Variants in GALK2 observed in about 807,000 individuals in gnomAD.
The protein encoded by GALK2 is N-acetylgalactosamine kinase.
A neutral mutation model predicts 52.4 loss-of-function variants in GALK2; 36 were observed. The observed-to-expected ratio is 0.69, with a 90% CI of 0.53 to 0.91. GALK2 has a LOEUF of 0.91. Ranked by LOEUF, GALK2 falls within the 40% of genes least tolerant of loss-of-function variation. The probability of loss-of-function intolerance (pLI) is 0.00; values close to 1 mark genes in which losing one functional copy is unlikely to be tolerated. For missense variants in GALK2, 579 were observed against 559.1 expected (o/e 1.04, Z -0.36); for synonymous variants, 176 against 199.1 (o/e 0.88, Z 0.98).
At chr15:49,291,475 C>G (rs1395939150) in intron 7 of GALK2, among the ~76,000 whole-genome samples, 1 of 151,968 alleles carries the variant, frequency 6.6e-6, no homozygotes, top group African/African-American at 2.4e-5. Flanking sequence ...GACTGATTTC[C>G]CCTTCTCTTG....
At chr15:49,335,113 A>G (rs1037500523), downstream of GALK2, among the ~76,000 whole-genome samples, 6 of 152,116 alleles carry the variant, frequency 3.9e-5, no homozygotes, top group Non-Finnish European at 5.9e-5. Flanking sequence ...TCCAGGGCTT[A>G]TCTTTGTAAA....
chr15:49,207,568 A>G (rs951729072), intron 2 of GALK2, among the ~76,000 whole-genome samples: 1 of 151,892 alleles, frequency 6.6e-6, no homozygotes, highest in Non-Finnish European at 1.5e-5. Flanking sequence ...ATTCTTCCTG[A>G]TTTAAGCTAG....
rs535120047 is a variant in GALK2, at chr15:49,367,420, T to C, written c.427-71T>C. 34 of 1,508,792 alleles carry C rather than the reference T, an allele frequency of 2.3e-5. No homozygotes were observed. In the South Asian group the frequency reaches 4.0e-4, roughly 18 times the overall value. 93.5% of individuals were successfully genotyped at this position (1,508,792 alleles called of 1,614,324 possible). On this transcript the variant is annotated intron_variant, in intron 3 of 3. Coordinates refer to the GALK2 transcript ENST00000558399. ...TGAATATTATTTTTGAAAGAAATTA[T>C]ATTAAAGCAAAGCTTTAAAAAGGAT...
intron 1 of GALK2, chr15:49,156,066 G>GGCT: frequency 6.3e-7 from 1 of 1,591,342 alleles, no homozygotes; most frequent in African/African-American, 1.3e-5. Context: ...ACACATTGCG[G>GGCT]TGGGTGTTCC....
chr15:49,343,474 A>C (rs867796909), intron 3 of GALK2: 28 of 152,216 alleles, frequency 1.8e-4, no homozygotes, highest in African/African-American at 6.7e-4. Context: ...GCCTGTGTTT[A>C]AGGCTGTTGA....
At chr15:49,250,284 A>T (rs2091534050) in intron 5 of GALK2, among the ~76,000 whole-genome samples, 1 of 152,210 alleles carries the variant, frequency 6.6e-6, no homozygotes. Flanking sequence ...AGGTTAATAA[A>T]TGAGACTGGT....
chr15:49,355,486 A>G (rs1434404313), intron 3 of GALK2, among the ~76,000 whole-genome samples: 2 of 152,220 alleles, frequency 1.3e-5, no homozygotes, highest in Non-Finnish European at 2.9e-5. Flanking sequence ...AAGAAAGGGT[A>G]TCAGCGATGG....
chr15:49,237,955 G>A (rs1355588161), intron 4 of GALK2, among the ~76,000 whole-genome samples: 1 of 152,080 alleles, frequency 6.6e-6, no homozygotes, highest in Non-Finnish European at 1.5e-5. Context: ...GAAATTTTTA[G>A]ATGACTTGAA....
chr15:49,337,363 G>A lies in GALK2; in HGVS notation c.426+17558G>A, dbSNP rs941105114. Among the ~76,000 whole-genome samples the A allele has an allele frequency of 2.0e-5, 3 of 151,822 alleles. No homozygotes were observed. In the East Asian group the frequency reaches 5.8e-4, roughly 29 times the overall value. On this transcript the variant is annotated intron_variant, in intron 3 of 3. Coordinates refer to the GALK2 transcript ENST00000558399. ...GCCCCATCAGCATCTATTGTTTTTT[G>A]ACTTTTTAATAATAGTCATCCTGAC...
intron 2 of GALK2, among the ~76,000 whole-genome samples, chr15:49,206,284 A>C (rs2088277816): frequency 1.3e-5 from 2 of 151,528 alleles, no homozygotes; most frequent in South Asian, 4.2e-4. Flanking sequence ...TTTAGGGTAC[A>C]TGTGCACAAT....
chr15:49,262,293 T>C (rs959855716), intron 5 of GALK2, among the ~76,000 whole-genome samples: 1 of 152,208 alleles, frequency 6.6e-6, no homozygotes, highest in Non-Finnish European at 1.5e-5. Flanking sequence ...TGGTTTAGTC[T>C]TGGGAGGGTG....
chr15:49,327,907 T>C (rs1345029637), intron 9 of GALK2, 45 bp from the exon 10 acceptor site: 7 of 1,565,728 alleles, frequency 4.5e-6, no homozygotes, highest in Non-Finnish European at 6.1e-6. Context: ...AAATCCCTTG[T>C]ATTTTCATTT....
chr15:49,155,893 A>G (rs1427231186), exon 1 of GALK2: 19 of 1,289,958 alleles, frequency 1.5e-5, no homozygotes, highest in Admixed American at 3.7e-5. Flanking sequence ...CCTCCTGGGT[A>G]AAGGAGCAGT....
chr15:49,205,245 A>C (rs963996729), intron 2 of GALK2, among the ~76,000 whole-genome samples: 1 of 152,176 alleles, frequency 6.6e-6, no homozygotes, highest in Non-Finnish European at 1.5e-5. Flanking sequence ...GTAGATACCC[A>C]TTAGTGGGAT....
chr15:49,309,460 G>A (rs2035810422), intron 8 of GALK2, among the ~76,000 whole-genome samples: 1 of 151,996 alleles, frequency 6.6e-6, no homozygotes, highest in African/African-American at 2.4e-5. Context: ...GTTAACATAT[G>A]ACAATTGTGC....
chr15:49,173,646 T>C (rs987193592), intron 1 of GALK2, among the ~76,000 whole-genome samples: 4 of 152,336 alleles, frequency 2.6e-5, no homozygotes, highest in Middle Eastern at 3.4e-3. Flanking sequence ...TTCACATAAG[T>C]CCAATAATTA....
chr15:49,156,071 T>C, intron 1 of GALK2: 1 of 1,564,158 alleles, frequency 6.4e-7, no homozygotes, highest in Non-Finnish European at 8.8e-7. Context: ...TTGCGGTGGG[T>C]GTTCCTAAGA....
intron 8 of GALK2, among the ~76,000 whole-genome samples, chr15:49,299,768 T>TTTCTTTCC (rs2034910458): frequency 7.7e-6 from 1 of 130,108 alleles, no homozygotes; most frequent in African/African-American, 3.0e-5. Context: ...TCTTTCTTTC[T>TTTCTTTCC]TTCTTTCTTT....
chr15:49,351,682 A>C (rs189359639), intron 3 of GALK2, among the ~76,000 whole-genome samples: 15 of 152,284 alleles, frequency 9.9e-5, no homozygotes, highest in African/African-American at 3.6e-4. Flanking sequence ...CTGTGGTTTC[A>C]AGGGAATAAA....
Sources: allele counts gnomAD v4.1 joint callset (sites outside exome capture counted in the v4.1 genomes callset), GRCh38; gene constraint gnomAD v4.1.1; transcripts MANE v1.5; gene names NCBI Gene and HGNC (gene_info 2026-07-23, HGNC 2026-07-21).